OPA1: variants seen among roughly 807,000 people sequenced by gnomAD.
The protein encoded by OPA1 is OPA1 mitochondrial dynamin like GTPase.
Under a neutral mutation model 152.9 loss-of-function variants are expected in OPA1, and 59 were observed. That is an observed-to-expected ratio of 0.39 (90% CI 0.31 to 0.48). The LOEUF is 0.48. Among genes scored for constraint, OPA1 ranks in the 20% least tolerant of loss-of-function variants. The pLI, the probability that OPA1 is intolerant of heterozygous loss-of-function variation, is 0.96. For missense variants in OPA1, 1,008 were observed against 1,216.8 expected (o/e 0.83, Z 2.55); for synonymous variants, 400 against 389.9 (o/e 1.03, Z -0.31).
intron 27 of OPA1, 96 bp downstream of exon 27, chr3:193,665,092 T>C (rs1716210979): frequency 5.5e-6 from 4 of 722,382 alleles, no homozygotes; most frequent in Non-Finnish European, 7.5e-6. Flanking sequence ...TTTTAAGTCC[T>C]TTGATCATCT....
At chr3:193,653,496 G>C (rs538038156) in intron 21 of OPA1, among the ~76,000 whole-genome samples, 1 of 151,964 alleles carries the variant, frequency 6.6e-6, no homozygotes, top group Admixed American at 6.5e-5. Flanking sequence ...TTATATTGTA[G>C]TATTCTAAGT....
chr3:193,665,062 A>T, intron 27 of OPA1, 66 bp downstream of exon 27: 1 of 868,636 alleles, frequency 1.2e-6, no homozygotes, highest in South Asian at 1.4e-5. Context: ...CTTAAAAGTA[A>T]ACTTTAGCTT....
intron 1 of OPA1, among the ~76,000 whole-genome samples, chr3:193,608,057 CTGTT>C (rs750539727): frequency 1.2e-4 from 19 of 152,122 alleles, no homozygotes; most frequent in Non-Finnish European, 1.0e-4. Flanking sequence ...ATTTGGCTCT[CTGTT>C]TGTCTGTTAT....
intron 1 of OPA1, among the ~76,000 whole-genome samples, chr3:193,602,948 T>A (rs911249344): frequency 3.9e-5 from 6 of 152,216 alleles, no homozygotes; most frequent in African/African-American, 1.4e-4. Flanking sequence ...TACAAGAACA[T>A]ACTGATACCC....
Position 193,693,122 on chromosome 3 carries a change from G to T in OPA1, c.*5+990G>T, listed in dbSNP as rs186267525. On this transcript the variant is annotated intron_variant, in intron 30 of 30. Transcript: ENST00000361510. Reference sequence around the variant, plus strand: ...ACTAGAAGGAGTAGAAATGTAAAAGGTTCCCTCCCTGGCTACGCTCGGTTC... The same window carrying T: ...ACTAGAAGGAGTAGAAATGTAAAAGTTTCCCTCCCTGGCTACGCTCGGTTC... Among the ~76,000 whole-genome samples the T allele has an allele frequency of 7.5e-4, 114 of 152,082 alleles. 1 individual carries two copies. Among genetic ancestry groups the T allele is most frequent in the Admixed American group, 3.5e-3 (54 of 15,302 alleles).
rs906320605 is a variant in OPA1 at position 193,659,516 on chromosome 3, C to T, written c.2475C>T (p.Asp825=). The T allele has an allele frequency of 1.1e-5, 17 of 1,611,936 alleles. No individual in the cohort carries two copies. The highest frequency in any genetic ancestry group is 1.3e-5 in the Non-Finnish European group (15 of 1,178,902). Residue 825 remains aspartate, a synonymous_variant, in exon 25 of 31, where the codon GAC becomes GAT. Transcript: ENST00000361510. ...CAATTGAAAACATGGTGGGTCCAGA[C>T]TGGAAAAAGAGGTGGTTATACTGGA... ...ENAIENMVGP[D]WKKRWLYWKN...
chr3:193,653,534 G>C (rs1713046174), intron 21 of OPA1, among the ~76,000 whole-genome samples: 1 of 152,012 alleles, frequency 6.6e-6, no homozygotes, highest in East Asian at 1.9e-4. Flanking sequence ...ATTTCCTTGA[G>C]ATTTCAAATT....
chr3:193,640,356 G>A (rs1426238800), intron 11 of OPA1, among the ~76,000 whole-genome samples: 4 of 152,134 alleles, frequency 2.6e-5, no homozygotes, highest in African/African-American at 9.7e-5. Flanking sequence ...GACAGTGTGC[G>A]CAAAGTCAGG....
chr3:193,594,631 A>C (rs753353148), intron 1 of OPA1, among the ~76,000 whole-genome samples: 1 of 151,964 alleles, frequency 6.6e-6, no homozygotes. Flanking sequence ...CATGTGATCC[A>C]CCCTCCTCGA....
chr3:193,662,936 C>T lies in OPA1; in HGVS notation c.2635C>T (p.Arg879Ter), dbSNP rs879255593. 6.2e-7 allele frequency: 1 copy of T among 1,613,512 alleles called. No homozygotes were observed. Among genetic ancestry groups the T allele is most frequent in the Non-Finnish European group, 8.5e-7 (1 of 1,179,572 alleles). The change falls in exon 26 of 31, where the codon CGA (arginine) becomes TGA (stop). Residue 879 changes from arginine (R) to a stop codon, truncating the protein, a stop_gained. Coordinates refer to ENST00000361510, the MANE Select transcript of OPA1 (RefSeq NM_130837.3). LOFTEE classifies it high-confidence loss of function. Reference sequence around the variant, plus strand: ...CACAGTCCGGAAGAACCTTGAATCCCGAGGAGTAGAAGTAGATCCAAGCTT... The same window carrying T: ...CACAGTCCGGAAGAACCTTGAATCCTGAGGAGTAGAAGTAGATCCAAGCTT... ...ITTVRKNLES[R>*]GVEVDPSLIK...
In OPA1 at chr3:193,621,543, A is replaced by G. The variant is rs1730079848; in HGVS notation, c.678+2607A>G. ...TTTCTTTGGTTTGGCCTGGATTTAT[A>G]TCCATTCAGTTTGTGGACACTACTG... On this transcript the variant is annotated intron_variant, in intron 6 of 30. Transcript: ENST00000361510. Among the ~76,000 whole-genome samples the G allele has an allele frequency of 7.9e-5, 12 of 152,344 alleles. No individual in the cohort carries two copies. In the South Asian group the frequency reaches 2.5e-3, roughly 32 times the overall value.
At chr3:193,687,825 A>C (rs547186973) in intron 29 of OPA1, among the ~76,000 whole-genome samples, 148 of 152,340 alleles carry the variant, frequency 9.7e-4, no homozygotes, top group African/African-American at 3.5e-3. Context: ...AGCTTTCTTG[A>C]AAAGCAAGAA....
intron 6 of OPA1, among the ~76,000 whole-genome samples, chr3:193,622,431 G>A (rs1374109580): frequency 6.6e-6 from 1 of 151,906 alleles, no homozygotes; most frequent in Non-Finnish European, 1.5e-5. Context: ...GTTTCACCAG[G>A]TTGGCCAGGA....
chr3:193,603,866 A>C (rs1195950869), intron 1 of OPA1, among the ~76,000 whole-genome samples: 1 of 152,204 alleles, frequency 6.6e-6, no homozygotes, highest in Non-Finnish European at 1.5e-5. Context: ...AGGGGCCACT[A>C]TTTCTGATAC....
chr3:193,672,486 C>A (rs75226611), intron 29 of OPA1, among the ~76,000 whole-genome samples: 1,795 of 152,302 alleles, frequency 0.012, 46 homozygotes, highest in African/African-American at 0.042. Flanking sequence ...AAGCCTGTTA[C>A]ACTTTTTATT....
chr3:193,632,419 T>G (rs1732230752), intron 8 of OPA1, among the ~76,000 whole-genome samples: 1 of 152,114 alleles, frequency 6.6e-6, no homozygotes, highest in Middle Eastern at 3.4e-3. Flanking sequence ...AGGCGGAGCT[T>G]GCAGTGAGCC....
chr3:193,659,673 GT>G, intron 25 of OPA1, 112 bp downstream of exon 25: 1 of 754,956 alleles, frequency 1.3e-6, no homozygotes, highest in Non-Finnish European at 2.2e-6. Flanking sequence ...AATATTAAAT[GT>G]TTTATATCAT....
intron 21 of OPA1, among the ~76,000 whole-genome samples, chr3:193,650,253 A>G (rs1227055699): frequency 6.6e-6 from 1 of 152,158 alleles, no homozygotes; most frequent in Non-Finnish European, 1.5e-5. Context: ...TGAAAAGGCA[A>G]CGGTCAGATC....
chr3:193,642,530 A>C (rs1453784714), intron 11 of OPA1, among the ~76,000 whole-genome samples: 1 of 152,236 alleles, frequency 6.6e-6, no homozygotes, highest in Admixed American at 6.5e-5. Context: ...TAAAGGAACC[A>C]GCATTCTTGT....
Sources: gnomAD v4.1 joint callset for allele counts (sites outside exome capture counted in the v4.1 genomes callset) on GRCh38, gnomAD v4.1.1 for gene constraint, MANE v1.5 for transcripts, NCBI Gene and HGNC (gene_info 2026-07-23, HGNC 2026-07-21) for gene names.